Variants in CETN3 observed in about 807,000 individuals in gnomAD.
CETN3 encodes the protein centrin-3.
CETN3 carries 17 observed loss-of-function variants against 20.1 expected under a neutral mutation model. The ratio of observed to expected loss-of-function variants is 0.85; its 90% CI spans 0.58 to 1.27. The LOEUF is 1.27. Ranked by LOEUF, CETN3 falls within the 50% of genes most tolerant of loss-of-function variation. The pLI is 0.00. For synonymous variants in CETN3, 52 were observed against 59.7 expected (o/e 0.87, Z 0.59); for missense variants, 169 against 191.2 (o/e 0.88, Z 0.69).
intron 3 of CETN3, among the ~76,000 whole-genome samples, chr5:90,402,159 T>C (rs535501681): frequency 7.1e-4 from 108 of 152,302 alleles, no homozygotes; most frequent in Middle Eastern, 3.4e-3. Flanking sequence ...GCCTCTTTTT[T>C]ATTCTTAAAT....
intron 4 of CETN3, chr5:90,396,561 A>T: frequency 1.3e-6 from 2 of 1,531,596 alleles, no homozygotes; most frequent in Non-Finnish European, 1.7e-6. Context: ...TATGTTCTTA[A>T]GAACTGTATT....
At chr5:90,405,231 C>A (rs1324601779) in intron 3 of CETN3, among the ~76,000 whole-genome samples, 1 of 152,156 alleles carries the variant, frequency 6.6e-6, no homozygotes, top group African/African-American at 2.4e-5. Flanking sequence ...ATTTCATCTA[C>A]AGCCAAAGAT....
intron 4 of CETN3, chr5:90,399,086 AG>A: frequency 1.8e-6 from 1 of 567,634 alleles, no homozygotes; most frequent in Non-Finnish European, 3.1e-6. Context: ...ATGTAGGTTG[AG>A]GGAGAAGCCA....
At chr5:90,408,744 G>A (rs933720717) in intron 1 of CETN3, among the ~76,000 whole-genome samples, 1 of 144,466 alleles carries the variant, frequency 6.9e-6, no homozygotes, top group Non-Finnish European at 1.5e-5. Context: ...CCAGTTGACT[G>A]TACTTAAAAC....
Position 90,394,126 on chromosome 5 carries a change from T to C in CETN3, c.461-19A>G, listed in dbSNP as rs1749086331. ...TGGTTTACTGTGGTAAGAAAGAAAA[T>C]GAAATAGTCAGAAATATAAACATTT... On this transcript the variant is annotated intron_variant, in intron 4 of 4. Transcript: ENST00000283122. 2 of 1,483,680 alleles carry C rather than the reference T, an allele frequency of 1.3e-6. No individual in the cohort carries two copies. The highest frequency in any genetic ancestry group is 1.4e-5 in the African/African-American group (1 of 71,526). 91.9% of individuals were successfully genotyped at this position (1,483,680 alleles called of 1,614,324 possible).
chr5:90,409,214 G>A (rs1203908999), intron 1 of CETN3, among the ~76,000 whole-genome samples: 1 of 152,146 alleles, frequency 6.6e-6, no homozygotes. Flanking sequence ...GGGAGAAGAG[G>A]AAAGAGTTTT....
chr5:90,404,349 T>TC (rs1749379961), intron 3 of CETN3, among the ~76,000 whole-genome samples: 1 of 152,190 alleles, frequency 6.6e-6, no homozygotes, highest in Non-Finnish European at 1.5e-5. Context: ...GGATTATAGC[T>TC]CCTTCCTAAT....
chr5:90,394,615 A>C (rs887930952), intron 4 of CETN3, among the ~76,000 whole-genome samples: 2 of 151,946 alleles, frequency 1.3e-5, no homozygotes, highest in African/African-American at 2.4e-5. Context: ...TTATATACTT[A>C]AAAGCCTATG....
At chr5:90,401,066 G>T (rs1344115088) in intron 3 of CETN3, among the ~76,000 whole-genome samples, 1 of 152,178 alleles carries the variant, frequency 6.6e-6, no homozygotes. Context: ...CTTGCTGAAA[G>T]TATTAATGTA....
chr5:90,399,246 C>T, intron 4 of CETN3, 112 bp downstream of exon 4: 1 of 849,122 alleles, frequency 1.2e-6, no homozygotes, highest in Non-Finnish European at 1.9e-6. Flanking sequence ...AGGTCCATTA[C>T]AAGAAGCAGT....
intron 1 of CETN3, among the ~76,000 whole-genome samples, 171 bp downstream of exon 1, chr5:90,409,474 C>T (rs539787645): frequency 5.3e-5 from 8 of 152,304 alleles, no homozygotes; most frequent in East Asian, 1.9e-4. Flanking sequence ...CCCTGCAGGG[C>T]ATCAGAGCCC....
At chr5:90,409,554 G>T in intron 1 of CETN3, 91 bp downstream of exon 1, 1 of 1,482,714 alleles carries the variant, frequency 6.7e-7, no homozygotes, top group Non-Finnish European at 9.4e-7. Context: ...CCCCTGCCTC[G>T]CCTCGGCCCC....
intron 4 of CETN3, chr5:90,396,024 A>G: frequency 4.5e-6 from 4 of 898,430 alleles, no homozygotes; most frequent in Non-Finnish European, 5.3e-6. Flanking sequence ...TGTTGAAAAA[A>G]AATCCTTCAC....
chr5:90,396,503 G>A (rs778295871), intron 4 of CETN3: 17 of 1,532,760 alleles, frequency 1.1e-5, no homozygotes, highest in Admixed American at 9.8e-5. Context: ...CTTCACTGAA[G>A]AACTCCCGAT....
In CETN3 at chr5:90,393,932, G is replaced by T. The variant is rs2151881207; in HGVS notation, c.*132C>A. The T allele has an allele frequency of 1.5e-6, 1 of 656,842 alleles. No individual in the cohort carries two copies. The highest frequency in any genetic ancestry group is 2.7e-6 in the Non-Finnish European group (1 of 371,648). The allele number at this position is 656,842 out of a possible 1,614,324, so 40.7% of individuals were successfully genotyped here. On this transcript the variant is annotated 3_prime_UTR_variant, in exon 5 of 5. Transcript: ENST00000283122. ...AGAAACTTAACAGTAGTAAAATACAGATATATAAGATGCTTATTTTTGGTC... is the reference window on the plus strand; with the variant it reads ...AGAAACTTAACAGTAGTAAAATACATATATATAAGATGCTTATTTTTGGTC...
At chr5:90,408,926 C>T (rs186656150) in intron 1 of CETN3, among the ~76,000 whole-genome samples, 1 of 152,016 alleles carries the variant, frequency 6.6e-6, no homozygotes, top group Admixed American at 6.6e-5. Context: ...TCTTTTCCTT[C>T]CTGAGACTTT....
chr5:90,400,230 A>G (rs901847789), intron 3 of CETN3, among the ~76,000 whole-genome samples: 1 of 152,154 alleles, frequency 6.6e-6, no homozygotes, highest in Non-Finnish European at 1.5e-5. Flanking sequence ...GGTCTCCTTA[A>G]AGCTTACCCA....
chr5:90,393,278 A>C lies in CETN3; in HGVS notation c.*786T>G, dbSNP rs1031059043. ...TTTTCATCACTGTGACATGTAATTG[A>C]GTGATAATTACCTTAACAAATCAAA... On this transcript the variant is annotated 3_prime_UTR_variant, in exon 5 of 5. Transcript: ENST00000283122. The C allele has an allele frequency of 9.2e-5, 14 of 152,232 alleles. No individual in the cohort carries two copies. The highest frequency in any genetic ancestry group is 9.2e-4 in the Admixed American group (14 of 15,280). The allele number at this position is 152,232 out of a possible 1,614,324, so 9.4% of individuals were successfully genotyped here. A position where few individuals can be genotyped will look rare whatever the true frequency, so the allele number is the denominator to read the frequency against.
chr5:90,393,365 T>G lies in CETN3; in HGVS notation c.*699A>C, dbSNP rs1284289974. Reference sequence around the variant, plus strand: ...AAATTCAAATTGTATTCATTCAATTTGTTTAAGGAAATATTCAGAAGAAAA... The same window carrying G: ...AAATTCAAATTGTATTCATTCAATTGGTTTAAGGAAATATTCAGAAGAAAA... On this transcript the variant is annotated 3_prime_UTR_variant, in exon 5 of 5. Coordinates refer to ENST00000283122, the MANE Select transcript of CETN3 (RefSeq NM_004365.4). 1 of 152,196 alleles carries G rather than the reference T, an allele frequency of 6.6e-6. No individual in the cohort carries two copies. Among genetic ancestry groups the G allele is most frequent in the African/African-American group, 2.4e-5 (1 of 41,458 alleles). The allele number at this position is 152,196 out of a possible 1,614,324, so 9.4% of individuals were successfully genotyped here. A position where few individuals can be genotyped will look rare whatever the true frequency, so the allele number is the denominator to read the frequency against.
Sources: gnomAD v4.1 joint callset for allele counts (sites outside exome capture counted in the v4.1 genomes callset) on GRCh38, gnomAD v4.1.1 for gene constraint, MANE v1.5 for transcripts, NCBI Gene and HGNC (gene_info 2026-07-23, HGNC 2026-07-21) for gene names.